Variants in TNFRSF8 observed in about 807,000 individuals in gnomAD.
TNFRSF8 encodes the protein TNF receptor superfamily member 8, also known as tumor necrosis factor receptor superfamily member 8.
Under a neutral mutation model 70.8 loss-of-function variants are expected in TNFRSF8, and 26 were observed. The ratio of observed to expected loss-of-function variants is 0.37; its 90% CI spans 0.27 to 0.51. The LOEUF (loss-of-function observed/expected upper bound fraction) is 0.51. Among genes scored for constraint, TNFRSF8 ranks in the 20% least tolerant of loss-of-function variants. The pLI is 0.94. For missense variants in TNFRSF8, 720 were observed against 807.9 expected, an observed-to-expected ratio of 0.89 and a Z score of 1.32; for synonymous variants, 356 against 339.2, an observed-to-expected ratio of 1.05 and a Z score of -0.54.
rs149375303 is a variant in TNFRSF8 at position 12,117,713 on chromosome 1, G to A, written c.946+1984G>A. Among the ~76,000 whole-genome samples, 21 of 152,340 alleles carry A rather than the reference G, an allele frequency of 1.4e-4. No homozygotes were observed. The East Asian group carries it at 4.0e-3, about 29-fold the overall frequency. On this transcript the variant is annotated intron_variant, in intron 8 of 14. Transcript: ENST00000263932. ...AGGATTTTATTTTGTTTGCATAAAT[G>A]TATGGGGTACAAGTGTAATTTTATT...
chr1:12,105,658 C>A (rs1025950328), intron 4 of TNFRSF8, among the ~76,000 whole-genome samples: 1 of 151,932 alleles, frequency 6.6e-6, no homozygotes, highest in Non-Finnish European at 1.5e-5. Context: ...GGACACAAGG[C>A]CAGGTGTGGT....
In TNFRSF8 at chr1:12,094,395, C is replaced by A. The variant is rs547080858; in HGVS notation, c.152-2706C>A. On this transcript the variant is annotated intron_variant, in intron 2 of 14. Transcript: ENST00000263932. ...CCTGGGGTGGCAGAAGGGAGCATTG[C>A]CCCTTTGGGGAACAGGGAGATGCCA... 5.3e-5 allele frequency among the ~76,000 whole-genome samples: 8 copies of A among 152,190 alleles called. No homozygotes were observed. In the South Asian group the frequency reaches 1.0e-3, roughly 20 times the overall value.
chr1:12,099,273 T>C (rs1003737645), intron 3 of TNFRSF8, among the ~76,000 whole-genome samples: 1 of 151,956 alleles, frequency 6.6e-6, no homozygotes, highest in Non-Finnish European at 1.5e-5. Flanking sequence ...GCCTCCTGAG[T>C]AGCTGAGATT....
Position 12,129,085 on chromosome 1 carries a change from G to A in TNFRSF8, c.1309+2849G>A, listed in dbSNP as rs553168391. 7.5e-4 allele frequency among the ~76,000 whole-genome samples: 113 copies of A among 151,558 alleles called. 1 individual carries two copies. Among genetic ancestry groups the A allele is most frequent in the African/African-American group, 2.5e-3 (105 of 41,274 alleles). ...CCTGACCTCATGATCCGCCTGCCTC[G>A]GCCTCCCAAAGTGCTGGGTTTGCAG... On this transcript the variant is annotated intron_variant, in intron 12 of 14. Transcript: ENST00000263932.
At chr1:12,100,050 T>C (rs139470102) in intron 3 of TNFRSF8, among the ~76,000 whole-genome samples, 2,899 of 152,110 alleles carry the variant, frequency 0.019, 95 homozygotes, top group African/African-American at 0.065. Flanking sequence ...GTGTCTGTAG[T>C]CCCAGCTACT....
intron 1 of TNFRSF8, among the ~76,000 whole-genome samples, chr1:12,073,796 A>G (rs963302249): frequency 2.0e-5 from 3 of 151,738 alleles, no homozygotes; most frequent in African/African-American, 7.3e-5. Flanking sequence ...GGGTTTCACC[A>G]TGTTGGCCAA....
chr1:12,078,973 C>T (rs137895259), intron 1 of TNFRSF8, among the ~76,000 whole-genome samples: 7 of 152,276 alleles, frequency 4.6e-5, no homozygotes, highest in Non-Finnish European at 8.8e-5. Flanking sequence ...GCTGCTGGCC[C>T]GGGGCCTCAC....
At chr1:12,121,050 G>A (rs1319908789) in intron 8 of TNFRSF8, among the ~76,000 whole-genome samples, 1 of 152,174 alleles carries the variant, frequency 6.6e-6, no homozygotes, top group East Asian at 1.9e-4. Flanking sequence ...TGCTGACTGG[G>A]AATAGCCACA....
At chr1:12,137,430 TACTC>T (rs749815886) in intron 13 of TNFRSF8, among the ~76,000 whole-genome samples, 1 of 152,148 alleles carries the variant, frequency 6.6e-6, no homozygotes, top group Non-Finnish European at 1.5e-5. Context: ...TCCTCTGAAT[TACTC>T]ACACTCACTC....
chr1:12,132,603 C>T (rs1440986455), intron 12 of TNFRSF8, among the ~76,000 whole-genome samples: 2 of 152,138 alleles, frequency 1.3e-5, no homozygotes, highest in African/African-American at 2.4e-5. Context: ...TTTGGGAGGC[C>T]AAGCCTGGCA....
At chr1:12,124,884 A>C (rs1371954861) in intron 10 of TNFRSF8, among the ~76,000 whole-genome samples, 1 of 150,370 alleles carries the variant, frequency 6.7e-6, no homozygotes, top group Admixed American at 6.7e-5. Context: ...AAAACAAACA[A>C]AACCCCCAAG....
chr1:12,110,048 A>C lies in TNFRSF8; in HGVS notation c.520A>C (p.Ile174Leu), dbSNP rs371499265. Residue 174 changes from isoleucine to leucine, a missense_variant, in exon 6 of 15, where the codon ATC becomes CTC. Coordinates refer to ENST00000263932, the MANE Select transcript of TNFRSF8 (RefSeq NM_001243.5). The surrounding 1 kb of genome is among the most constrained non-coding windows in gnomAD (Gnocchi z 4.0). ...CTCTGGCTTCTTCCCCAGTGGCACCATCCCCCAGGCCAAGCCCACCCCGGT... is the reference window on the plus strand; with the variant it reads ...CTCTGGCTTCTTCCCCAGTGGCACCCTCCCCCAGGCCAAGCCCACCCCGGT... ...ENCKEPSSGT[I>L]PQAKPTPVSP... The C allele has an allele frequency of 1.2e-6, 2 of 1,612,716 alleles. No homozygotes were observed. Among genetic ancestry groups the C allele is most frequent in the South Asian group, 2.2e-5 (2 of 90,870 alleles).
At chr1:12,092,489 T>A (rs1169395522) in intron 2 of TNFRSF8, among the ~76,000 whole-genome samples, 1 of 150,382 alleles carries the variant, frequency 6.6e-6, no homozygotes, top group Non-Finnish European at 1.5e-5. Context: ...AATTTTCCCC[T>A]TTTCTTTTAT....
rs908364338 is a variant in TNFRSF8, at chr1:12,144,192, C to A, written c.*1661C>A. 2.0e-5 allele frequency: 3 copies of A among 152,248 alleles called. No homozygotes were observed. The highest frequency in any genetic ancestry group is 4.8e-5 in the African/African-American group (2 of 41,464). 9.4% of individuals were successfully genotyped at this position (152,248 alleles called of 1,614,324 possible). ...TTGAATCTCTAAAAATCCATAAAAT[C>A]CTTAAAGAACTGTAAGGCTGAGGAC... On this transcript the variant is annotated 3_prime_UTR_variant, in exon 15 of 15. Coordinates refer to ENST00000263932, the MANE Select transcript of TNFRSF8 (RefSeq NM_001243.5).
intron 8 of TNFRSF8, among the ~76,000 whole-genome samples, chr1:12,120,360 A>C (rs1044956145): frequency 1.3e-5 from 2 of 152,226 alleles, no homozygotes; most frequent in African/African-American, 4.8e-5. Flanking sequence ...GTTCCCAGGA[A>C]TAGAAGAGAG....
At chr1:12,123,604 T>A (rs1641874149) in intron 9 of TNFRSF8, 111 bp from the exon 10 acceptor site, 15 of 1,056,288 alleles carry the variant, frequency 1.4e-5, no homozygotes, top group Non-Finnish European at 2.1e-5. Flanking sequence ...GGGCAGAGGA[T>A]CTAGGGGCCC....
intron 12 of TNFRSF8, among the ~76,000 whole-genome samples, chr1:12,128,833 C>CTTTTTTTTTTTT (rs60878706): frequency 8.9e-6 from 1 of 111,776 alleles, no homozygotes; most frequent in Non-Finnish European, 1.7e-5. Context: ...GTCTAAAATT[C>CTTTTTTTTTTTT]TTTTTTTTTT....
intron 9 of TNFRSF8, among the ~76,000 whole-genome samples, 156 bp downstream of exon 9, chr1:12,123,533 T>C (rs1230369630): frequency 3.3e-5 from 5 of 152,132 alleles, no homozygotes; most frequent in African/African-American, 2.4e-5. Flanking sequence ...GCTGACACCA[T>C]TGGAAAGCCA....
At chr1:12,095,693 A>T (rs958885220) in intron 2 of TNFRSF8, among the ~76,000 whole-genome samples, 8 of 152,240 alleles carry the variant, frequency 5.3e-5, no homozygotes, top group Non-Finnish European at 1.2e-4. Context: ...GATTCTGTGC[A>T]GTGTCCACAG....
Sources: gnomAD v4.1 joint callset for allele counts (sites outside exome capture counted in the v4.1 genomes callset) on GRCh38, gnomAD v4.1.1 for gene constraint, Gnocchi (gnomAD v3.1) non-coding constraint, MANE v1.5 for transcripts, NCBI Gene and HGNC (gene_info 2026-07-23, HGNC 2026-07-21) for gene names.